The following PAWR variants were observed in gnomAD, a reference collection of about 807,000 sequenced individuals.
PAWR encodes pro-apoptotic WT1 regulator.
PAWR carries 23 observed loss-of-function variants against 32.0 expected under a neutral mutation model. The ratio of observed to expected loss-of-function variants is 0.72; its 90% CI spans 0.52 to 1.02. The LOEUF is 1.02. Among genes scored for constraint, PAWR ranks in the 50% least tolerant of loss-of-function variants. PAWR has a pLI of 0.00. For missense variants in PAWR, 457 were observed against 437.7 expected (o/e 1.04, Z -0.39); for synonymous variants, 226 against 187.1 (o/e 1.21, Z -1.70).
At chr12:79,647,353 G>T (rs967780434) in intron 2 of PAWR, among the ~76,000 whole-genome samples, 1 of 152,020 alleles carries the variant, frequency 6.6e-6, no homozygotes, top group Non-Finnish European at 1.5e-5. Context: ...AAATGTTATT[G>T]TATACAAAGT....
chr12:79,657,787 C>G (rs1332655941), intron 2 of PAWR, among the ~76,000 whole-genome samples: 2 of 151,098 alleles, frequency 1.3e-5, no homozygotes, highest in Admixed American at 6.6e-5. Context: ...GAGCGAGACT[C>G]CGTCTCAAAA....
chr12:79,660,207 T>C (rs1271385235), intron 2 of PAWR, among the ~76,000 whole-genome samples: 3 of 152,058 alleles, frequency 2.0e-5, no homozygotes, highest in Admixed American at 6.6e-5. Context: ...CAGTCAAGAG[T>C]AGCCAAGGAA....
chr12:79,592,530 G>C lies in PAWR; in HGVS notation c.*77C>G. ...GTTATTTTAATGTATTGCAGCATAGGAATATTGTGCTAGCATTGACCATTA... is the reference window on the plus strand; with the variant it reads ...GTTATTTTAATGTATTGCAGCATAGCAATATTGTGCTAGCATTGACCATTA... On this transcript the variant is annotated 3_prime_UTR_variant, in exon 7 of 7. Coordinates refer to ENST00000328827, the MANE Select transcript of PAWR (RefSeq NM_002583.4). 1.5e-6 allele frequency: 1 copy of C among 670,294 alleles called. No homozygotes were observed. The highest frequency in any genetic ancestry group is 2.6e-6 in the Non-Finnish European group (1 of 378,368). The allele number at this position is 670,294 out of a possible 1,614,324, so 41.5% of individuals were successfully genotyped here.
rs1258913570 is a variant in PAWR at position 79,590,526 on chromosome 12, T to C, written c.*2081A>G. The C allele has an allele frequency of 6.6e-6, 1 of 152,158 alleles. No homozygotes were observed. Among genetic ancestry groups the C allele is most frequent in the Non-Finnish European group, 1.5e-5 (1 of 68,020 alleles). 9.4% of individuals were successfully genotyped at this position (152,158 alleles called of 1,614,324 possible). A position where few individuals can be genotyped will look rare whatever the true frequency, so the allele number is the denominator to read the frequency against. On this transcript the variant is annotated 3_prime_UTR_variant, in exon 7 of 7. Coordinates refer to ENST00000328827, the MANE Select transcript of PAWR (RefSeq NM_002583.4). ...TAATAACTGATATAATTTTTTTAAG[T>C]GAAATGAAATGTTCCTTTATTTACA...
At position 79,619,580 on chromosome 12, in the gene PAWR, G is replaced by A. The variant is rs567073810; in HGVS notation, c.648+1496C>T. Among the ~76,000 whole-genome samples the A allele has an allele frequency of 4.6e-5, 7 of 152,246 alleles. No individual in the cohort carries two copies. In the South Asian group the frequency reaches 1.2e-3, roughly 27 times the overall value. On this transcript the variant is annotated intron_variant, in intron 3 of 6. Transcript: ENST00000328827. ...TCTATGATTTCAGGCATCCATTGGA[G>A]GTCTTGGAACATAACTCCCTTTGAT...
At chr12:79,660,589 T>A (rs1484999584) in intron 2 of PAWR, among the ~76,000 whole-genome samples, 7 of 151,304 alleles carry the variant, frequency 4.6e-5, no homozygotes, top group Non-Finnish European at 8.8e-5. Context: ...TGTACTTTTT[T>A]TTTTTTTTTT....
chr12:79,635,584 T>C (rs1875923529), intron 2 of PAWR: 1 of 152,136 alleles, frequency 6.6e-6, no homozygotes, highest in Non-Finnish European at 1.5e-5. Flanking sequence ...ACAGGATTTG[T>C]AAATGTATAC....
At chr12:79,626,863 A>C (rs1396539587) in intron 2 of PAWR, among the ~76,000 whole-genome samples, 7 of 151,792 alleles carry the variant, frequency 4.6e-5, no homozygotes, top group Non-Finnish European at 5.9e-5. Flanking sequence ...CCTTGCGATA[A>C]TTTGCTGAGA....
At chr12:79,650,670 A>C (rs554821712) in intron 2 of PAWR, among the ~76,000 whole-genome samples, 38 of 150,674 alleles carry the variant, frequency 2.5e-4, no homozygotes, top group African/African-American at 9.2e-4. Context: ...GCTGTGTTCC[A>C]GTAAAACTTT....
intron 2 of PAWR, among the ~76,000 whole-genome samples, chr12:79,660,070 A>G (rs1877276956): frequency 6.6e-6 from 1 of 152,244 alleles, no homozygotes; most frequent in Admixed American, 6.5e-5. Flanking sequence ...AGTTTTGCAG[A>G]TAAAACTAGC....
intron 4 of PAWR, chr12:79,604,859 G>A (rs1874106994): frequency 3.7e-6 from 1 of 273,122 alleles, no homozygotes; most frequent in Non-Finnish European, 6.8e-6. Context: ...ACAAATGAGT[G>A]TCATCAGTAA....
intron 2 of PAWR, among the ~76,000 whole-genome samples, chr12:79,684,397 G>A: frequency 6.6e-6 from 1 of 152,096 alleles, no homozygotes; most frequent in East Asian, 1.9e-4. Context: ...GATCACTTGA[G>A]GCTGGAAGTT....
At chr12:79,623,891 G>A (rs1018168010) in intron 2 of PAWR, among the ~76,000 whole-genome samples, 1 of 151,996 alleles carries the variant, frequency 6.6e-6, no homozygotes, top group Non-Finnish European at 1.5e-5. Flanking sequence ...ACCTGATAGA[G>A]GTCCTAGAAC....
At chr12:79,604,603 A>G (rs931139597) in intron 4 of PAWR, 1 of 1,279,258 alleles carries the variant, frequency 7.8e-7, no homozygotes, top group African/African-American at 1.5e-5. Flanking sequence ...CCAAATAACC[A>G]ACAACTACTT....
At chr12:79,641,615 G>A (rs1366768886) in intron 2 of PAWR, among the ~76,000 whole-genome samples, 4 of 152,048 alleles carry the variant, frequency 2.6e-5, no homozygotes, top group Admixed American at 6.5e-5. Context: ...ATGGGAGGCC[G>A]AGGTGGGCGG....
At chr12:79,679,600 G>A (rs1016664983) in intron 2 of PAWR, among the ~76,000 whole-genome samples, 3 of 152,166 alleles carry the variant, frequency 2.0e-5, no homozygotes, top group African/African-American at 7.2e-5. Flanking sequence ...GAGTATTTAA[G>A]TAAGAGGTAA....
intron 2 of PAWR, among the ~76,000 whole-genome samples, chr12:79,624,200 C>T (rs1032147987): frequency 2.0e-5 from 3 of 152,156 alleles, no homozygotes; most frequent in Non-Finnish European, 4.4e-5. Flanking sequence ...TAGCCACGCA[C>T]TCCCAGAGCA....
At position 79,673,426 on chromosome 12, in the gene PAWR, G is replaced by GC. The variant is rs538499766; in HGVS notation, c.516+16302dup. Among the ~76,000 whole-genome samples the GC allele has an allele frequency of 9.8e-5, 15 of 152,302 alleles. No individual in the cohort carries two copies. The South Asian group carries it at 3.1e-3, about 32-fold the overall frequency. The stretch of plus-strand genomic sequence containing the variant: ...CAATACAAAGAGAGAAAAGGAAATT[G>GC]CAAGTCTGGAGAAGGAAGAAGTGAT... On this transcript the variant is annotated intron_variant, in intron 2 of 6. Coordinates refer to ENST00000328827, the MANE Select transcript of PAWR (RefSeq NM_002583.4).
rs563653699 is a variant in PAWR, at chr12:79,623,980, TGAACAGTAGGAGAA to T, written c.517-2787_517-2774del. Among the ~76,000 whole-genome samples, 26 of 152,276 alleles carry T rather than the reference TGAACAGTAGGAGAA, an allele frequency of 1.7e-4. No individual in the cohort carries two copies. In the South Asian group the frequency reaches 5.4e-3, roughly 32 times the overall value. On this transcript the variant is annotated intron_variant, in intron 2 of 6. Transcript: ENST00000328827. Reference sequence around the variant, plus strand: ...GGGGGAGGAGAGGTCAATCATTTAATGAACAGTAGGAGAAGCAAAAGTATGAGATCTGGAAAAGA... The same window carrying T: ...GGGGGAGGAGAGGTCAATCATTTAATGCAAAAGTATGAGATCTGGAAAAGA...
Sources: gnomAD v4.1 joint callset for allele counts (sites outside exome capture counted in the v4.1 genomes callset) on GRCh38, gnomAD v4.1.1 for gene constraint, MANE v1.5 for transcripts, NCBI Gene and HGNC (gene_info 2026-07-23, HGNC 2026-07-21) for gene names.